The following STEAP1B variants were observed in gnomAD, a reference collection of about 807,000 sequenced individuals.
The protein encoded by STEAP1B is STEAP family member 1B, also known as STEAP family protein MGC87042.
In STEAP1B, 13 loss-of-function variants were observed where a neutral mutation model predicts 27.9. The observed-to-expected ratio is 0.47, with a 90% CI of 0.30 to 0.74. The LOEUF (loss-of-function observed/expected upper bound fraction) is 0.74, where lower values mean the gene tolerates loss of function less well. Ranked by LOEUF, STEAP1B falls within the 30% of genes least tolerant of loss-of-function variation. The pLI is 0.06. For missense variants in STEAP1B, 250 were observed against 298.7 expected (o/e 0.84, Z 1.20); for synonymous variants, 86 against 107.1 (o/e 0.80, Z 1.22).
chr7:22,459,808 G>A (rs1337521272), intron 4 of STEAP1B, among the ~76,000 whole-genome samples: 2 of 152,006 alleles, frequency 1.3e-5, no homozygotes, highest in African/African-American at 2.4e-5. Context: ...CATTAATACC[G>A]CACCCCACAC....
intron 4 of STEAP1B, among the ~76,000 whole-genome samples, chr7:22,466,033 C>A (rs1785774151): frequency 1.3e-5 from 2 of 152,218 alleles, no homozygotes; most frequent in Admixed American, 1.3e-4. Context: ...GCAGAACACA[C>A]ATTCAGGTGT....
intron 4 of STEAP1B, among the ~76,000 whole-genome samples, chr7:22,444,909 T>C (rs1490459909): frequency 6.6e-6 from 1 of 152,166 alleles, no homozygotes; most frequent in Non-Finnish European, 1.5e-5. Context: ...AAGCCAACAA[T>C]TGGACACCCC....
intron 4 of STEAP1B, among the ~76,000 whole-genome samples, chr7:22,489,637 T>C (rs1455696099): frequency 1.3e-5 from 2 of 152,180 alleles, no homozygotes. Context: ...AGGCAGAGAC[T>C]GGGGCTGCAT....
intron 4 of STEAP1B, among the ~76,000 whole-genome samples, chr7:22,470,959 T>A (rs1018776597): frequency 1.4e-4 from 21 of 152,160 alleles, no homozygotes; most frequent in African/African-American, 5.1e-4. Flanking sequence ...CAAGAGCCAA[T>A]TTGGGCCTCT....
chr7:22,461,193 A>G (rs1785672797), intron 4 of STEAP1B, among the ~76,000 whole-genome samples: 1 of 152,132 alleles, frequency 6.6e-6, no homozygotes, highest in South Asian at 2.1e-4. Flanking sequence ...GGGTCGTTTC[A>G]GTTTCCGATG....
intron 4 of STEAP1B, among the ~76,000 whole-genome samples, chr7:22,431,706 C>G (rs1785190033): frequency 6.6e-6 from 1 of 152,238 alleles, no homozygotes; most frequent in Non-Finnish European, 1.5e-5. Context: ...GGAACACCAA[C>G]AGAAGATCAG....
intron 4 of STEAP1B, among the ~76,000 whole-genome samples, chr7:22,470,230 A>G (rs994407516): frequency 2.0e-5 from 3 of 152,224 alleles, no homozygotes; most frequent in Non-Finnish European, 4.4e-5. Context: ...GAAGTGCCAT[A>G]AAACAAATAT....
chr7:22,441,740 G>A (rs1785336650), intron 4 of STEAP1B, among the ~76,000 whole-genome samples: 1 of 152,176 alleles, frequency 6.6e-6, no homozygotes, highest in African/African-American at 2.4e-5. Flanking sequence ...CTTCTACAAT[G>A]TATAACCAAA....
chr7:22,495,289 A>G (rs1173355510), intron 1 of STEAP1B: 1 of 152,594 alleles, frequency 6.6e-6, no homozygotes, highest in African/African-American at 2.4e-5. Flanking sequence ...GGCTGGAGGT[A>G]GCTGATATAA....
At chr7:22,425,004 G>A (rs116037628) in intron 4 of STEAP1B, among the ~76,000 whole-genome samples, 5,100 of 152,144 alleles carry the variant, frequency 0.034, 288 homozygotes, top group African/African-American at 0.12. Flanking sequence ...CCACCTCTGG[G>A]TAGGTGAGAT....
chr7:22,493,335 C>T lies in STEAP1B; in HGVS notation c.586G>A (p.Ala196Thr), dbSNP rs200952161. 1,235 of 1,611,880 alleles carry T rather than the reference C, an allele frequency of 7.7e-4. No homozygotes were observed. The highest frequency in any genetic ancestry group is 9.7e-4 in the Non-Finnish European group (1,146 of 1,178,326). Residue 196 changes from alanine to threonine, a missense_variant, in exon 3 of 5, where the codon GCA becomes ACA. Physicochemically the swap from Ala to Thr is moderately conservative, Grantham distance 58 (BLOSUM62 0). Coordinates refer to ENST00000678116, the MANE Select transcript of STEAP1B (RefSeq NM_001382447.1). ...CATTGTCATCTCACCTGTTGATATG[C>T]CCAGTTTAGCAACTTGTATCTGTAG... ...RSYRYKLLNW[A>T]YQQVQQNKED...
chr7:22,482,439 A>C (rs918053941), intron 4 of STEAP1B, among the ~76,000 whole-genome samples: 1 of 152,204 alleles, frequency 6.6e-6, no homozygotes, highest in Non-Finnish European at 1.5e-5. Context: ...AACTGGATTT[A>C]GTTATGTTGG....
chr7:22,440,087 T>G (rs1430244035), intron 4 of STEAP1B, among the ~76,000 whole-genome samples: 1 of 152,292 alleles, frequency 6.6e-6, no homozygotes, highest in East Asian at 1.9e-4. Flanking sequence ...AATTATTCAA[T>G]AAATGGAGTA....
intron 4 of STEAP1B, among the ~76,000 whole-genome samples, chr7:22,448,979 G>T (rs1785446764): frequency 6.6e-6 from 1 of 152,136 alleles, no homozygotes; most frequent in African/African-American, 2.4e-5. Context: ...AGTACCATTT[G>T]TAATTTTTTT....
intron 4 of STEAP1B, among the ~76,000 whole-genome samples, chr7:22,490,537 T>C (rs1307739274): frequency 2.0e-5 from 3 of 152,368 alleles, no homozygotes; most frequent in South Asian, 4.1e-4. Context: ...TGACACATTA[T>C]TATTCTCTTG....
chr7:22,420,045 G>C (rs1034831), intron 4 of STEAP1B, among the ~76,000 whole-genome samples: 1 of 151,870 alleles, frequency 6.6e-6, no homozygotes, highest in Non-Finnish European at 1.5e-5. Context: ...TTCTCCCTGA[G>C]ATATCTAAAG....
chr7:22,464,207 C>T (rs1325655685), intron 4 of STEAP1B, among the ~76,000 whole-genome samples: 2 of 152,100 alleles, frequency 1.3e-5, no homozygotes, highest in Non-Finnish European at 2.9e-5. Flanking sequence ...GTTCGCAATG[C>T]CATTAGGAAG....
intron 4 of STEAP1B, among the ~76,000 whole-genome samples, chr7:22,486,175 C>T (rs947911054): frequency 2.0e-5 from 3 of 152,136 alleles, no homozygotes; most frequent in Admixed American, 6.6e-5. Context: ...TTTCATTGTA[C>T]AGTCATGGCT....
At chr7:22,497,936 A>T (rs1786469537) in intron 1 of STEAP1B, among the ~76,000 whole-genome samples, 2 of 152,240 alleles carry the variant, frequency 1.3e-5, no homozygotes, top group South Asian at 4.2e-4. Context: ...AATTTTTCCA[A>T]GTAGGGGAAG....
Sources: gnomAD v4.1 joint callset for allele counts (sites outside exome capture counted in the v4.1 genomes callset) on GRCh38, gnomAD v4.1.1 for gene constraint, MANE v1.5 for transcripts, NCBI Gene and HGNC (gene_info 2026-07-23, HGNC 2026-07-21) for gene names.